Variants in ANKS1B observed in about 807,000 individuals in gnomAD.
ANKS1B encodes the protein ankyrin repeat and sterile alpha motif domain-containing protein 1B.
A neutral mutation model predicts 148.3 loss-of-function variants in ANKS1B; 36 were observed. That is an observed-to-expected ratio of 0.24 (90% confidence interval 0.19 to 0.32). The LOEUF (loss-of-function observed/expected upper bound fraction) is 0.32, where lower values mean the gene tolerates loss of function less well. Ranked by LOEUF, ANKS1B falls within the 10% of genes least tolerant of loss-of-function variation. The probability of loss-of-function intolerance (pLI) is 1.00; values close to 1 mark genes in which losing one functional copy is unlikely to be tolerated. For missense variants in ANKS1B, 1,157 were observed against 1,542.6 expected (o/e 0.75, Z 4.19); for synonymous variants, 542 against 560.8 (o/e 0.97, Z 0.47).
intron 12 of ANKS1B, among the ~76,000 whole-genome samples, chr12:99,272,407 C>A (rs2077149609): frequency 6.6e-6 from 1 of 152,154 alleles, no homozygotes; most frequent in Non-Finnish European, 1.5e-5. Context: ...CACCAGAAAT[C>A]TATCTCCCTG....
intron 15 of ANKS1B, among the ~76,000 whole-genome samples, chr12:99,146,144 T>A (rs944639353): frequency 6.6e-6 from 1 of 152,144 alleles, no homozygotes; most frequent in African/African-American, 2.4e-5. Flanking sequence ...TTGATCAATA[T>A]TTATTAAGAA....
intron 9 of ANKS1B, among the ~76,000 whole-genome samples, chr12:99,590,254 C>CACA (rs2097687488): frequency 1.5e-5 from 2 of 130,324 alleles, no homozygotes; most frequent in South Asian, 2.4e-4. Context: ...ACACCCACAC[C>CACA]CACCCACACA....
chr12:99,969,393 A>G (rs1032388759), intron 1 of ANKS1B, among the ~76,000 whole-genome samples: 27 of 152,160 alleles, frequency 1.8e-4, no homozygotes, highest in African/African-American at 6.3e-4. Flanking sequence ...TATGTTGCCC[A>G]GCCTGGTCTT....
intron 9 of ANKS1B, among the ~76,000 whole-genome samples, chr12:99,646,026 T>TAA (rs34337860): frequency 0.25 from 33,418 of 131,596 alleles, 4,180 homozygotes; most frequent in Non-Finnish European, 0.29. Flanking sequence ...AGAAAATCAG[T>TAA]AAAAAAAAAA....
chr12:99,497,281 T>C (rs925520389), intron 10 of ANKS1B, among the ~76,000 whole-genome samples: 1 of 152,348 alleles, frequency 6.6e-6, no homozygotes, highest in East Asian at 1.9e-4. Context: ...AACAAGTCTG[T>C]ACATGTTCAG....
chr12:98,901,635 A>G (rs1311242397), intron 17 of ANKS1B, among the ~76,000 whole-genome samples: 1 of 152,242 alleles, frequency 6.6e-6, no homozygotes, highest in African/African-American at 2.4e-5. Context: ...AAATAAATAA[A>G]TGAATAAATG....
intron 12 of ANKS1B, chr12:99,352,151 A>C (rs1592897545): frequency 6.6e-6 from 1 of 151,830 alleles, no homozygotes; most frequent in East Asian, 1.9e-4. Context: ...CAAAATAAAA[A>C]CATGTTCTTT....
At chr12:99,237,039 C>T (rs575519467) in intron 14 of ANKS1B, among the ~76,000 whole-genome samples, 24 of 152,080 alleles carry the variant, frequency 1.6e-4, no homozygotes, top group Non-Finnish European at 2.8e-4. Flanking sequence ...GGACAACAAA[C>T]CTCCATGATA....
At chr12:99,586,448 A>T (rs1776433317) in intron 9 of ANKS1B, among the ~76,000 whole-genome samples, 1 of 152,306 alleles carries the variant, frequency 6.6e-6, no homozygotes, top group South Asian at 2.1e-4. Context: ...GAAAGTTCCA[A>T]GCTTTCCCAC....
At chr12:99,328,458 AG>A (rs2086899778) in intron 12 of ANKS1B, among the ~76,000 whole-genome samples, 1 of 152,016 alleles carries the variant, frequency 6.6e-6, no homozygotes, top group South Asian at 2.1e-4. Flanking sequence ...ACACAGGACC[AG>A]GAACAGTGCT....
At chr12:99,602,287 C>A (rs2097807023) in intron 9 of ANKS1B, among the ~76,000 whole-genome samples, 1 of 151,916 alleles carries the variant, frequency 6.6e-6, no homozygotes, top group Non-Finnish European at 1.5e-5. Flanking sequence ...GTCTTTCAGT[C>A]CTGAAAATAT....
In ANKS1B at chr12:99,890,731, G is replaced by A. The variant is rs141884712; in HGVS notation, c.135-65342C>T. Among the ~76,000 whole-genome samples, 83 of 152,080 alleles carry A rather than the reference G, an allele frequency of 5.5e-4. No individual in the cohort carries two copies. In the Middle Eastern group the frequency reaches 0.02, roughly 37 times the overall value. On this transcript the variant is annotated intron_variant, in intron 1 of 26. Coordinates refer to ENST00000683438, the MANE Select transcript of ANKS1B (RefSeq NM_001352186.2). ...TAAATTATTCACATACATTTTCTGAGTTAGCCTTTACACAACCCAATTAAA... is the reference window on the plus strand; with the variant it reads ...TAAATTATTCACATACATTTTCTGAATTAGCCTTTACACAACCCAATTAAA...
chr12:99,255,421 T>C (rs1009555046), intron 12 of ANKS1B, among the ~76,000 whole-genome samples: 8 of 152,122 alleles, frequency 5.3e-5, no homozygotes, highest in African/African-American at 1.7e-4. Context: ...GTGTCACCAA[T>C]GATTCCATTT....
At chr12:98,858,827 T>A (rs1294779513) in intron 17 of ANKS1B, among the ~76,000 whole-genome samples, 1 of 152,214 alleles carries the variant, frequency 6.6e-6, no homozygotes, top group Non-Finnish European at 1.5e-5. Context: ...CTGGAAGATC[T>A]AACTAAACAC....
Position 98,887,587 on chromosome 12 carries a change from T to C in ANKS1B, c.2779-55451A>G, listed in dbSNP as rs148885939. ...CAACAATTATTTAGTTTTTCTTTAT[T>C]TTTTTTCTGCTGTTAAATACAATAA... On this transcript the variant is annotated intron_variant, in intron 17 of 26. Coordinates refer to ENST00000683438, the MANE Select transcript of ANKS1B (RefSeq NM_001352186.2). Among the ~76,000 whole-genome samples, 12 of 152,278 alleles carry C rather than the reference T, an allele frequency of 7.9e-5. 1 individual carries two copies. The highest frequency in any genetic ancestry group is 2.9e-4 in the African/African-American group (12 of 41,534).
In ANKS1B at chr12:99,607,006, A is replaced by G. The variant is rs151197987; in HGVS notation, c.1272+48061T>C. 3.0e-4 allele frequency among the ~76,000 whole-genome samples: 46 copies of G among 152,222 alleles called. 1 individual carries two copies. Among genetic ancestry groups the G allele is most frequent in the African/African-American group, 1.1e-3 (45 of 41,568 alleles). On this transcript the variant is annotated intron_variant, in intron 9 of 26. Transcript: ENST00000683438. ...AAAAGGCAAGGTCCATATGGATGGT[A>G]CAGAGCTCAGGACAGAGGACAGGAA...
intron 4 of ANKS1B, among the ~76,000 whole-genome samples, chr12:99,793,482 CCAA>C (rs1391988673): frequency 2.0e-5 from 3 of 151,946 alleles, no homozygotes; most frequent in Non-Finnish European, 4.4e-5. Context: ...GACACATAGA[CCAA>C]TGGAACAAAA....
chr12:99,809,818 A>G (rs1396839936), intron 3 of ANKS1B, among the ~76,000 whole-genome samples: 1 of 152,108 alleles, frequency 6.6e-6, no homozygotes, highest in Non-Finnish European at 1.5e-5. Context: ...ACTATAATGC[A>G]TAATTTTAAC....
At chr12:99,064,658 C>T (rs1241541520) in intron 16 of ANKS1B, among the ~76,000 whole-genome samples, 2 of 152,230 alleles carry the variant, frequency 1.3e-5, no homozygotes, top group Non-Finnish European at 2.9e-5. Flanking sequence ...CTCTTTTTAG[C>T]TTCATCTGTG....
Sources: allele counts gnomAD v4.1 joint callset (sites outside exome capture counted in the v4.1 genomes callset), GRCh38; gene constraint gnomAD v4.1.1; transcripts MANE v1.5; gene names NCBI Gene and HGNC (gene_info 2026-07-23, HGNC 2026-07-21).